ABI3BP: variants seen among roughly 807,000 people sequenced by gnomAD.
ABI3BP encodes the protein ABI family member 3 binding protein.
ABI3BP carries 216 observed loss-of-function variants against 268.6 expected under a neutral mutation model. That is an observed-to-expected ratio of 0.80 (90% confidence interval 0.72 to 0.90). The LOEUF (loss-of-function observed/expected upper bound fraction) is 0.90, where lower values mean the gene tolerates loss of function less well. Ranked by LOEUF, ABI3BP falls within the 40% of genes least tolerant of loss-of-function variation. The pLI is 0.00. For missense variants in ABI3BP, 2,090 were observed against 2,182.4 expected (o/e 0.96, Z 0.84); for synonymous variants, 730 against 730.0 (o/e 1.00, Z 0.00).
intron 2 of ABI3BP, among the ~76,000 whole-genome samples, chr3:100,918,735 A>G (rs2059406381): frequency 6.6e-6 from 1 of 152,158 alleles, no homozygotes; most frequent in Admixed American, 6.5e-5. Context: ...GGAGATAGCC[A>G]TAATACATCT....
chr3:100,786,447 A>G (rs570500020), intron 57 of ABI3BP, among the ~76,000 whole-genome samples: 1 of 152,318 alleles, frequency 6.6e-6, no homozygotes, highest in South Asian at 2.1e-4. Flanking sequence ...AAGCTAAAAT[A>G]TAATAATGGT....
chr3:100,949,857 G>A (rs2153749489), intron 1 of ABI3BP, among the ~76,000 whole-genome samples: 1 of 152,260 alleles, frequency 6.6e-6, no homozygotes, highest in Middle Eastern at 3.4e-3. Flanking sequence ...ACAGGGTTTG[G>A]AGTTGGAAAA....
chr3:100,948,688 C>A (rs182280886), intron 1 of ABI3BP, among the ~76,000 whole-genome samples: 8 of 152,296 alleles, frequency 5.3e-5, no homozygotes, highest in Admixed American at 2.6e-4. Context: ...ATAGTCCCTG[C>A]ATTCACTTTT....
Position 100,808,382 on chromosome 3 carries a change from A to C in ABI3BP, c.3608-147T>G, listed in dbSNP as rs1578445981. ...TTCTAAAGATCTGCAAAGTATAGGA[A>C]GGTAACTTTTTTATATAACAGAAAA... On this transcript the variant is annotated intron_variant, in intron 49 of 67. Coordinates refer to ENST00000471714, the MANE Select transcript of ABI3BP (RefSeq NM_001375547.2). 7 of 510,772 alleles carry C rather than the reference A, an allele frequency of 1.4e-5. No homozygotes were observed. In the East Asian group the frequency reaches 2.3e-4, roughly 17 times the overall value. The allele number at this position is 510,772 out of a possible 1,614,324, so 31.6% of individuals were successfully genotyped here.
At chr3:100,840,790 A>G in intron 22 of ABI3BP, 30 bp downstream of exon 22, 2 of 1,525,534 alleles carry the variant, frequency 1.3e-6, no homozygotes, top group Non-Finnish European at 1.8e-6. Flanking sequence ...AAAAGAAGAA[A>G]CAAAGGTCAC....
At chr3:100,792,793 T>G (rs777990051) in intron 54 of ABI3BP, 25 bp from the exon 55 acceptor site, 72 of 1,591,416 alleles carry the variant, frequency 4.5e-5, no homozygotes, top group Non-Finnish European at 6.1e-5. Flanking sequence ...GTAAGATTGC[T>G]TGTTTTAAAT....
intron 20 of ABI3BP, 113 bp downstream of exon 20, chr3:100,846,259 G>T: frequency 1.3e-6 from 1 of 786,774 alleles, no homozygotes. Flanking sequence ...ACTTTTCATG[G>T]AAAAATGTAA....
chr3:100,820,953 G>A, intron 39 of ABI3BP, 101 bp downstream of exon 39: 1 of 943,380 alleles, frequency 1.1e-6, no homozygotes, highest in Non-Finnish European at 1.6e-6. Flanking sequence ...AGAGAATGAT[G>A]ATGTAGTCTT....
chr3:100,922,918 TA>T (rs2060724401), intron 2 of ABI3BP, among the ~76,000 whole-genome samples: 1 of 152,222 alleles, frequency 6.6e-6, no homozygotes, highest in Admixed American at 6.5e-5. Flanking sequence ...CGGAAGACTA[TA>T]AATAACCAAT....
At chr3:100,830,505 TG>T in intron 32 of ABI3BP, 72 bp downstream of exon 32, 2 of 1,273,532 alleles carry the variant, frequency 1.6e-6, no homozygotes. Context: ...GGAGAAGCTG[TG>T]GTTATGATGG....
At chr3:100,887,968 C>T (rs1263558625) in intron 4 of ABI3BP, among the ~76,000 whole-genome samples, 3 of 152,010 alleles carry the variant, frequency 2.0e-5, no homozygotes, top group Non-Finnish European at 4.4e-5. Context: ...AATTTGGGCT[C>T]TTCTAAGTTG....
Position 100,847,497 on chromosome 3 carries a change from G to A in ABI3BP, c.1648+105C>T, listed in dbSNP as rs111403350. 1,273 of 1,000,602 alleles carry A rather than the reference G, an allele frequency of 1.3e-3. 15 individuals carry two copies. The African/African-American group carries it at 0.018, about 14-fold the overall frequency. 62.0% of individuals were successfully genotyped at this position (1,000,602 alleles called of 1,614,324 possible). A position where few individuals can be genotyped will look rare whatever the true frequency, so the allele number is the denominator to read the frequency against. ...ATGGGCCATGCTGTTCAAATGAACC[G>A]TTTTGAGTATCTTAACAGGTAACAG... On this transcript the variant is annotated intron_variant, in intron 19 of 67. Transcript: ENST00000471714.
intron 27 of ABI3BP, among the ~76,000 whole-genome samples, 199 bp from the exon 28 acceptor site, chr3:100,835,859 T>C (rs990380606): frequency 6.6e-6 from 1 of 152,130 alleles, no homozygotes; most frequent in African/African-American, 2.4e-5. Flanking sequence ...TGCATCCCTA[T>C]AAGGGCAATG....
intron 20 of ABI3BP, among the ~76,000 whole-genome samples, chr3:100,842,640 C>A (rs1442480115): frequency 6.6e-6 from 1 of 152,108 alleles, no homozygotes. Context: ...AAAGCAGTCT[C>A]AGATTTCATA....
At position 100,992,528 on chromosome 3, in the gene ABI3BP, G is replaced by T. The variant is rs72932104; in HGVS notation, c.79+778C>A. On this transcript the variant is annotated intron_variant, in intron 1 of 67. Transcript: ENST00000471714. ...ACCATAAAAAGCCTTCACAGACCTA[G>T]AGTTGGCTTAGAGAAGTGCCTCTGC... Among the ~76,000 whole-genome samples the T allele has an allele frequency of 2.7e-3, 416 of 152,324 alleles. 4 individuals are homozygous for T. Among genetic ancestry groups the T allele is most frequent in the African/African-American group, 9.4e-3 (391 of 41,564 alleles).
intron 61 of ABI3BP, among the ~76,000 whole-genome samples, chr3:100,772,657 A>C (rs901488660): frequency 6.6e-6 from 1 of 152,246 alleles, no homozygotes. Flanking sequence ...CTCAACCTAA[A>C]AGAAGATTGA....
chr3:100,976,638 C>T (rs897263801), intron 1 of ABI3BP, among the ~76,000 whole-genome samples: 1 of 152,136 alleles, frequency 6.6e-6, no homozygotes, highest in African/African-American at 2.4e-5. Context: ...ATAATGCCTA[C>T]CCTGGAGATA....
rs1214176628 is a variant in ABI3BP at position 100,926,366 on chromosome 3, G to C, written c.195C>G (p.Ser65Arg). 1 of 1,613,514 alleles carries C rather than the reference G, an allele frequency of 6.2e-7. No individual in the cohort carries two copies. Among genetic ancestry groups the C allele is most frequent in the East Asian group, 2.2e-5 (1 of 44,852 alleles). ...KLEGLLLGYG[S>R]NVSPNQYFPL... ...GGAAGTACTGGTTTGGTGATACATTGCTGCCATATCCCAGGAGAAGACCTT... is the reference window on the plus strand; with the variant it reads ...GGAAGTACTGGTTTGGTGATACATTCCTGCCATATCCCAGGAGAAGACCTT... The change falls in exon 2 of 68, where the codon AGC becomes AGG. Residue 65 changes from serine (S) to arginine (R), a missense_variant. Coordinates refer to ENST00000471714, the MANE Select transcript of ABI3BP (RefSeq NM_001375547.2).
chr3:100,981,870 C>A (rs367965310), intron 1 of ABI3BP, among the ~76,000 whole-genome samples: 1 of 152,186 alleles, frequency 6.6e-6, no homozygotes, highest in Non-Finnish European at 1.5e-5. Context: ...TGCTCAGCAC[C>A]AGTGTCCAGG....
Sources: allele counts gnomAD v4.1 joint callset (sites outside exome capture counted in the v4.1 genomes callset), GRCh38; gene constraint gnomAD v4.1.1; transcripts MANE v1.5; gene names NCBI Gene and HGNC (gene_info 2026-07-23, HGNC 2026-07-21).